The following COPG2 variants were observed in gnomAD, a reference collection of about 807,000 sequenced individuals.
The protein encoded by COPG2 is coatomer subunit gamma-2.
Under a neutral mutation model 46.3 loss-of-function variants are expected in COPG2, and 37 were observed. The observed-to-expected ratio is 0.80, with a 90% CI of 0.61 to 1.05. COPG2 has a LOEUF of 1.05. Among genes scored for constraint, COPG2 ranks in the 50% least tolerant of loss-of-function variants. The probability of loss-of-function intolerance (pLI) is 0.00; values close to 1 mark genes in which losing one functional copy is unlikely to be tolerated. For synonymous variants in COPG2, 159 were observed against 129.7 expected, an observed-to-expected ratio of 1.23 and a Z score of -1.53; for missense variants, 427 against 387.8, an observed-to-expected ratio of 1.10 and a Z score of -0.85.
intron 20 of COPG2, among the ~76,000 whole-genome samples, chr7:130,520,863 T>C (rs2116346080): frequency 6.6e-6 from 1 of 152,370 alleles, no homozygotes; most frequent in East Asian, 1.9e-4. Context: ...AATGCAATTA[T>C]AGTCTTTATT....
chr7:130,565,821 G>A (rs1437143570), intron 9 of COPG2, among the ~76,000 whole-genome samples: 1 of 151,880 alleles, frequency 6.6e-6, no homozygotes, highest in African/African-American at 2.4e-5. Flanking sequence ...ACCAGAAAAA[G>A]TTCAATAGCA....
intron 5 of COPG2, among the ~76,000 whole-genome samples, chr7:130,650,712 AAAT>A (rs1563071345): frequency 6.6e-6 from 1 of 152,184 alleles, no homozygotes. Flanking sequence ...GTGCCAAGTG[AAAT>A]CTAAAAATTG....
chr7:130,597,240 A>C (rs1366144363), intron 9 of COPG2, among the ~76,000 whole-genome samples: 2 of 152,184 alleles, frequency 1.3e-5, no homozygotes, highest in African/African-American at 4.8e-5. Flanking sequence ...CATTTCCTAC[A>C]TTCTTGACCA....
rs1369669139 is a variant in COPG2, at chr7:130,525,003, G to A, written c.2150-16344C>T. 4.6e-5 allele frequency among the ~76,000 whole-genome samples: 7 copies of A among 152,238 alleles called. No individual in the cohort carries two copies. The East Asian group carries it at 1.2e-3, about 25-fold the overall frequency. On this transcript the variant is annotated intron_variant, in intron 20 of 23. Coordinates refer to ENST00000425248, the MANE Select transcript of COPG2 (RefSeq NM_012133.6). ...GAAGGAAGAATTGGATGCTGAAGAC[G>A]AAGTGGAGGGTGTCTGGAAGAGAAC...
intron 9 of COPG2, among the ~76,000 whole-genome samples, chr7:130,578,517 AGAG>A (rs1554446655): frequency 6.6e-6 from 1 of 151,668 alleles, no homozygotes; most frequent in East Asian, 1.9e-4. Flanking sequence ...TGACGAGCTG[AGAG>A]AAGAAGGCTT....
intron 9 of COPG2, among the ~76,000 whole-genome samples, chr7:130,590,218 T>A (rs1726807427): frequency 6.6e-6 from 1 of 151,458 alleles, no homozygotes; most frequent in South Asian, 2.1e-4. Flanking sequence ...CTCCCCACGG[T>A]CTCTCTCTCC....
In COPG2 at chr7:130,654,362, T is replaced by A. The variant is rs73724351; in HGVS notation, c.244-1414A>T. 4.9e-3 allele frequency among the ~76,000 whole-genome samples: 752 copies of A among 152,210 alleles called. 8 individuals carry two copies. Among genetic ancestry groups the A allele is most frequent in the African/African-American group, 0.017 (726 of 41,532 alleles). On this transcript the variant is annotated intron_variant, in intron 4 of 23. Coordinates refer to ENST00000425248, the MANE Select transcript of COPG2 (RefSeq NM_012133.6). ...GATCTTACTGGCATGGAATATAGTA[T>A]CTAACATCTACCAAAATGAGGTTCT...
Position 130,550,531 on chromosome 7 carries a change from C to A in COPG2, c.1767G>T (p.Gln589His). ...IPLAMAPVFE[Q>H]KAEITLVATK... Reference sequence around the variant, plus strand: ...AAAATGAATAGAGTGAACCTGCTTTCTGTTCAAAGACAGGAGCCATAGCAA... The same window carrying A: ...AAAATGAATAGAGTGAACCTGCTTTATGTTCAAAGACAGGAGCCATAGCAA... The change falls in exon 17 of 24, where the codon CAG (glutamine) becomes CAT (histidine). Residue 589 changes from glutamine (Q) to histidine (H), a missense_variant. Gln to His is a conservative substitution (Grantham distance 24). Transcript: ENST00000425248. The A allele has an allele frequency of 2.6e-6, 1 of 385,690 alleles. No homozygotes were observed. Among genetic ancestry groups the A allele is most frequent in the South Asian group, 1.3e-4 (1 of 7,700 alleles). The allele number at this position is 385,690 out of a possible 1,614,324, so 23.9% of individuals were successfully genotyped here.
chr7:130,631,371 T>TGGTC (rs1312237115), intron 5 of COPG2, among the ~76,000 whole-genome samples: 1 of 152,130 alleles, frequency 6.6e-6, no homozygotes, highest in Non-Finnish European at 1.5e-5. Flanking sequence ...TTGGCCAGGC[T>TGGTC]GGTCTCCAAC....
intron 20 of COPG2, among the ~76,000 whole-genome samples, chr7:130,542,362 C>T (rs986387457): frequency 9.2e-5 from 14 of 151,790 alleles, no homozygotes; most frequent in East Asian, 3.9e-4. Context: ...CATGGCGAGA[C>T]GATGGAAGGC....
chr7:130,538,568 A>C (rs1799906821), intron 20 of COPG2, among the ~76,000 whole-genome samples: 1 of 151,882 alleles, frequency 6.6e-6, no homozygotes, highest in South Asian at 2.1e-4. Flanking sequence ...AGGAAAGGAA[A>C]GTAGGGGGAA....
At chr7:130,659,525 C>T (rs55827967) in intron 4 of COPG2, among the ~76,000 whole-genome samples, 29,329 of 151,926 alleles carry the variant, frequency 0.19, 3,018 homozygotes, top group Middle Eastern at 0.25. Flanking sequence ...AATAGAATTA[C>T]TGTATATTCA....
At chr7:130,562,096 T>C (rs969348336) in intron 11 of COPG2, among the ~76,000 whole-genome samples, 11 of 152,208 alleles carry the variant, frequency 7.2e-5, no homozygotes, top group Non-Finnish European at 1.6e-4. Flanking sequence ...TGGTGGCTCA[T>C]ACCTGCAATC....
chr7:130,661,549 T>G (rs1464297421), intron 4 of COPG2, among the ~76,000 whole-genome samples: 1 of 152,224 alleles, frequency 6.6e-6, no homozygotes. Flanking sequence ...TCCTTAAAGA[T>G]ATGAACCTGA....
chr7:130,524,749 G>A (rs890695983), intron 20 of COPG2, among the ~76,000 whole-genome samples: 64,781 of 151,990 alleles, frequency 0.43, 16,763 homozygotes, highest in East Asian at 0.6. Flanking sequence ...GAGGCCAAGG[G>A]AGAAGCAGGG....
intron 9 of COPG2, 116 bp downstream of exon 9, chr7:130,610,837 T>C (rs782052447): frequency 2.1e-5 from 21 of 995,824 alleles, no homozygotes; most frequent in Admixed American, 1.2e-4. Context: ...TTGAAAAACA[T>C]TGAACTCATC....
chr7:130,667,923 C>T (rs1238504633), intron 1 of COPG2, among the ~76,000 whole-genome samples: 5 of 152,028 alleles, frequency 3.3e-5, no homozygotes, highest in African/African-American at 4.8e-5. Flanking sequence ...ACGAAGTTTC[C>T]CAGAGAATCA....
At chr7:130,533,568 G>C (rs1408778003) in intron 20 of COPG2, among the ~76,000 whole-genome samples, 4 of 152,130 alleles carry the variant, frequency 2.6e-5, no homozygotes, top group Non-Finnish European at 4.4e-5. Context: ...ATGCCATCTA[G>C]AGAGGAAACC....
intron 20 of COPG2, chr7:130,511,500 G>C (rs782637839): frequency 9.6e-6 from 5 of 519,968 alleles, no homozygotes; most frequent in Non-Finnish European, 1.9e-5. Context: ...TGGTGGGAGG[G>C]AGTTTTTCTC....
Sources: allele counts gnomAD v4.1 joint callset (sites outside exome capture counted in the v4.1 genomes callset), GRCh38; gene constraint gnomAD v4.1.1; transcripts MANE v1.5; gene names NCBI Gene and HGNC (gene_info 2026-07-23, HGNC 2026-07-21).